The following TMPRSS11D variants were observed in gnomAD, a reference collection of about 807,000 sequenced individuals.
TMPRSS11D encodes the protein transmembrane serine protease 11D, also known as transmembrane protease serine 11D.
A neutral mutation model predicts 44.4 loss-of-function variants in TMPRSS11D; 32 were observed. The ratio of observed to expected loss-of-function variants is 0.72; its 90% CI spans 0.54 to 0.97. TMPRSS11D has a LOEUF of 0.97. TMPRSS11D is among the 50% of genes least tolerant of loss of function. The pLI, the probability that TMPRSS11D is intolerant of heterozygous loss-of-function variation, is 0.00. For missense variants in TMPRSS11D, 446 were observed against 502.6 expected (o/e 0.89, Z 1.08); for synonymous variants, 179 against 177.9 (o/e 1.01, Z -0.05).
At chr4:67,880,428 C>T (rs1577836284) in intron 1 of TMPRSS11D, among the ~76,000 whole-genome samples, 3 of 151,660 alleles carry the variant, frequency 2.0e-5, no homozygotes, top group Non-Finnish European at 4.4e-5. Context: ...AGATATGGGT[C>T]AAGGGAGGGA....
chr4:67,838,026 TA>T, intron 5 of TMPRSS11D, 145 bp downstream of exon 5: 1 of 559,252 alleles, frequency 1.8e-6, no homozygotes, highest in South Asian at 3.9e-5. Context: ...TAGGGAGCTA[TA>T]TGGTATATTT....
At chr4:67,864,201 C>A (rs1000276158) in intron 1 of TMPRSS11D, among the ~76,000 whole-genome samples, 2 of 152,002 alleles carry the variant, frequency 1.3e-5, no homozygotes, top group African/African-American at 4.8e-5. Flanking sequence ...ACCTATTTCA[C>A]TTTTTCTCCA....
intron 2 of TMPRSS11D, among the ~76,000 whole-genome samples, chr4:67,858,638 C>T (rs949449982): frequency 2.0e-5 from 3 of 152,122 alleles, no homozygotes; most frequent in Middle Eastern, 3.4e-3. Flanking sequence ...AAGTTATATT[C>T]TTTCTCTTTT....
intron 9 of TMPRSS11D, among the ~76,000 whole-genome samples, chr4:67,823,779 T>C (rs1398025916): frequency 6.6e-6 from 1 of 152,148 alleles, no homozygotes; most frequent in Non-Finnish European, 1.5e-5. Context: ...ATATGCATGC[T>C]TCAGTTAACC....
chr4:67,845,446 T>A (rs1463363018), intron 3 of TMPRSS11D, among the ~76,000 whole-genome samples: 1 of 152,180 alleles, frequency 6.6e-6, no homozygotes, highest in Non-Finnish European at 1.5e-5. Context: ...TTTCTTCCTC[T>A]CAGTTTCTCC....
chr4:67,881,601 T>G (rs1304661811), intron 1 of TMPRSS11D, among the ~76,000 whole-genome samples: 2 of 152,150 alleles, frequency 1.3e-5, no homozygotes, highest in African/African-American at 4.8e-5. Flanking sequence ...TTTAAGCATG[T>G]TTTTCTGAGT....
At chr4:67,824,060 G>A (rs576943075) in intron 9 of TMPRSS11D, among the ~76,000 whole-genome samples, 40 of 151,368 alleles carry the variant, frequency 2.6e-4, no homozygotes, top group African/African-American at 9.7e-4. Context: ...TAATTCCTTT[G>A]AATTAATGAT....
Position 67,859,577 on chromosome 4 carries a change from A to G in TMPRSS11D, c.110T>C (p.Leu37Pro). The G allele has an allele frequency of 6.2e-7, 1 of 1,613,132 alleles. No homozygotes were observed. The highest frequency in any genetic ancestry group is 8.5e-7 in the Non-Finnish European group (1 of 1,179,302). ...CTTACCAAAAGCTAAAAAGTAAACAAGTAGAGCTATGGTGACTGCCAGGAT... is the reference window on the plus strand; with the variant it reads ...CTTACCAAAAGCTAAAAAGTAAACAGGTAGAGCTATGGTGACTGCCAGGAT... Reference protein sequence around the residue: ...VVILAVTIALLVYFLAFDQKS... With the variant: ...VVILAVTIALPVYFLAFDQKS... The change falls in exon 2 of 10, where the codon CTT (leucine) becomes CCT (proline). Residue 37 changes from leucine (L) to proline (P), a missense_variant. Coordinates refer to ENST00000283916, the MANE Select transcript of TMPRSS11D (RefSeq NM_004262.3).
chr4:67,853,975 C>A, intron 3 of TMPRSS11D, 93 bp downstream of exon 3: 2 of 719,446 alleles, frequency 2.8e-6, no homozygotes, highest in Non-Finnish European at 4.4e-6. Context: ...ATATGTAGAG[C>A]ACTTAGCAAC....
intron 3 of TMPRSS11D, among the ~76,000 whole-genome samples, chr4:67,844,630 T>A (rs939011070): frequency 2.6e-5 from 4 of 151,492 alleles, no homozygotes; most frequent in African/African-American, 7.3e-5. Flanking sequence ...AAAAAAAAAA[T>A]TAGCCAGGTG....
At chr4:67,835,160 G>T in intron 5 of TMPRSS11D, 39 bp from the exon 6 acceptor site, 3 of 1,544,052 alleles carry the variant, frequency 1.9e-6, no homozygotes, top group Non-Finnish European at 2.7e-6. Flanking sequence ...ATACAATAAA[G>T]GCTGATATCA....
intron 1 of TMPRSS11D, among the ~76,000 whole-genome samples, chr4:67,879,277 C>T (rs958265543): frequency 1.3e-5 from 2 of 151,582 alleles, no homozygotes; most frequent in East Asian, 1.9e-4. Context: ...GTCAGGAGAT[C>T]GAGACCATCC....
chr4:67,859,111 G>A (rs1025829108), intron 2 of TMPRSS11D, among the ~76,000 whole-genome samples: 1 of 152,022 alleles, frequency 6.6e-6, no homozygotes, highest in Non-Finnish European at 1.5e-5. Flanking sequence ...TTGTTAATAA[G>A]AATGGACAAA....
At position 67,859,606 on chromosome 4, in the gene TMPRSS11D, T is replaced by G; in HGVS notation, c.81A>C (p.Val27=). 1 of 1,613,292 alleles carries G rather than the reference T, an allele frequency of 6.2e-7. No individual in the cohort carries two copies. Among genetic ancestry groups the G allele is most frequent in the Non-Finnish European group, 8.5e-7 (1 of 1,179,424 alleles). The change falls in exon 2 of 10, where the codon GTA becomes GTC. Residue 27 remains valine (V), a synonymous_variant. Coordinates refer to ENST00000283916, the MANE Select transcript of TMPRSS11D (RefSeq NM_004262.3). The part of the protein sequence containing the change: ...YVVCFIVVAG[V]VILAVTIALL... ...GAGCTATGGTGACTGCCAGGATCAC[T>G]ACCCCTGCGACGACAATGAAACATA...
At chr4:67,859,519 C>T in intron 2 of TMPRSS11D, 38 bp downstream of exon 2, 4 of 1,596,000 alleles carry the variant, frequency 2.5e-6, no homozygotes, top group Non-Finnish European at 2.6e-6. Context: ...TTGTATGTAG[C>T]TATTAAATCT....
chr4:67,883,420 A>G (rs1411425699), intron 1 of TMPRSS11D, among the ~76,000 whole-genome samples: 1 of 152,040 alleles, frequency 6.6e-6, no homozygotes, highest in Non-Finnish European at 1.5e-5. Flanking sequence ...GTTAGCAAGA[A>G]CTTTCTTGAA....
At chr4:67,864,352 T>TA (rs1363135424) in intron 1 of TMPRSS11D, among the ~76,000 whole-genome samples, 3 of 152,024 alleles carry the variant, frequency 2.0e-5, no homozygotes, top group Non-Finnish European at 4.4e-5. Flanking sequence ...CTGTAGTAAT[T>TA]AATTTCTTAA....
intron 3 of TMPRSS11D, among the ~76,000 whole-genome samples, chr4:67,842,842 T>G (rs1718264221): frequency 6.6e-6 from 1 of 152,242 alleles, no homozygotes; most frequent in African/African-American, 2.4e-5. Context: ...ACAGAGATGA[T>G]GCTGGACAGG....
chr4:67,877,253 A>G (rs75158089), intron 1 of TMPRSS11D, among the ~76,000 whole-genome samples: 1,580 of 152,180 alleles, frequency 0.01, 28 homozygotes, highest in African/African-American at 0.036. Context: ...TCCTTTCTCT[A>G]GTTGATCTCA....
Sources: allele counts gnomAD v4.1 joint callset (sites outside exome capture counted in the v4.1 genomes callset), GRCh38; gene constraint gnomAD v4.1.1; transcripts MANE v1.5; gene names NCBI Gene and HGNC (gene_info 2026-07-23, HGNC 2026-07-21).